Variants in PRH1 observed in about 807,000 individuals in gnomAD.
The protein encoded by PRH1 is proline rich protein HaeIII subfamily 1, also known as salivary acidic proline-rich phosphoprotein 1/2.
A neutral mutation model predicts 7.9 loss-of-function variants in PRH1; 7 were observed. The ratio of observed to expected loss-of-function variants is 0.89; its 90% CI spans 0.50 to 1.67. The LOEUF is 1.67. Among genes scored for constraint, PRH1 ranks in the 40% most tolerant of loss-of-function variants. The pLI, the probability that PRH1 is intolerant of heterozygous loss-of-function variation, is 0.00. For synonymous variants in PRH1, 45 were observed against 80.8 expected (o/e 0.56, Z 2.38); for missense variants, 109 against 223.6 (o/e 0.49, Z 3.27).
intron 1 of PRH1, among the ~76,000 whole-genome samples, chr12:11,032,947 T>G (rs1307550276): frequency 6.6e-6 from 1 of 152,244 alleles, no homozygotes; most frequent in South Asian, 2.1e-4. Flanking sequence ...GTATGGCCTA[T>G]CTAGTACACT....
intron 1 of PRH1, among the ~76,000 whole-genome samples, chr12:11,072,654 C>T (rs540307769): frequency 2.8e-4 from 43 of 152,306 alleles, no homozygotes; most frequent in South Asian, 8.3e-4. Flanking sequence ...AAATCAGATA[C>T]ATTATAAAAT....
intron 1 of PRH1, among the ~76,000 whole-genome samples, chr12:11,054,886 T>TCCGC (rs1203123056): frequency 5.1e-4 from 63 of 123,054 alleles, no homozygotes; most frequent in East Asian, 2.1e-3. Context: ...CACTGCAAGC[T>TCCGC]CTGCCTCACT....
intron 2 of PRH1, among the ~76,000 whole-genome samples, chr12:10,939,629 T>C (rs963606075): frequency 2.0e-5 from 3 of 149,468 alleles, no homozygotes; most frequent in African/African-American, 2.5e-5. Context: ...ATTACAAAAA[T>C]TGGTATATGA....
chr12:11,131,116 T>C (rs1006225305), intron 1 of PRH1, among the ~76,000 whole-genome samples: 7 of 152,210 alleles, frequency 4.6e-5, no homozygotes, highest in Non-Finnish European at 7.3e-5. Flanking sequence ...ACAGAGATGG[T>C]AGTTCTAACT....
chr12:11,122,917 C>T (rs879694421), intron 1 of PRH1, among the ~76,000 whole-genome samples: 1 of 152,180 alleles, frequency 6.6e-6, no homozygotes, highest in Admixed American at 6.5e-5. Flanking sequence ...CTAGGTTTAC[C>T]TCAATGCCAC....
At position 10,929,262 on chromosome 12, in the gene PRH1, GC is replaced by G. The variant is rs1950166971; in HGVS notation, c.-59+44392del. 2.5e-6 allele frequency: 4 copies of G among 1,614,174 alleles called. No homozygotes were observed. The East Asian group carries it at 6.7e-5, about 27-fold the overall frequency. ...GCATAAAGTTGGGAGTGACACCAGAGCCTTCTGCAAGATGCTTCTGATTCTG... is the reference window on the plus strand; with the variant it reads ...GCATAAAGTTGGGAGTGACACCAGAGCTTCTGCAAGATGCTTCTGATTCTG... On this transcript the variant is annotated intron_variant, in intron 2 of 3. Transcript: ENST00000539853.
chr12:10,948,012 G>C (rs1313373571), intron 2 of PRH1, among the ~76,000 whole-genome samples: 1 of 152,110 alleles, frequency 6.6e-6, no homozygotes, highest in Non-Finnish European at 1.5e-5. Flanking sequence ...TACCGTGATA[G>C]AAATCCCTTT....
At position 11,076,273 on chromosome 12, in the gene PRH1, A is replaced by G. The variant is rs1405526053; in HGVS notation, n.124-29085T>C. The stretch of plus-strand genomic sequence containing the variant: ...CACTTTGTGTCATTTCACCATTTAC[A>G]CCATTATAATAAAACATATCATTAA... On this transcript the variant is annotated intron_variant and non_coding_transcript_variant, in intron 1 of 4. Transcript: ENST00000541977. Among the ~76,000 whole-genome samples, 3 of 119,450 alleles carry G rather than the reference A, an allele frequency of 2.5e-5. No individual in the cohort carries two copies. The South Asian group carries it at 6.7e-4, about 27-fold the overall frequency. 78.4% of individuals were successfully genotyped at this position (119,450 alleles called of 152,430 possible).
At position 11,157,113 on chromosome 12, in the gene PRH1, T is replaced by A. The variant is rs554535889; in HGVS notation, n.39+14309A>T. On this transcript the variant is annotated intron_variant and non_coding_transcript_variant, in intron 1 of 1. Transcript: ENST00000541175. ...TGCCTGCCGCAGCCTCCCAAAGTGC[T>A]GGGATTACCCACACTTTGGTCAAGA... 3.9e-5 allele frequency among the ~76,000 whole-genome samples: 6 copies of A among 152,340 alleles called. No homozygotes were observed. The South Asian group carries it at 1.0e-3, about 26-fold the overall frequency.
At chr12:11,060,041 T>C (rs996291389) in intron 1 of PRH1, among the ~76,000 whole-genome samples, 14 of 152,052 alleles carry the variant, frequency 9.2e-5, no homozygotes, top group African/African-American at 2.9e-4. Flanking sequence ...AGTTCTTACA[T>C]TGTACTGAGG....
chr12:10,953,827 G>A (rs755687356), intron 2 of PRH1, among the ~76,000 whole-genome samples: 8 of 152,146 alleles, frequency 5.3e-5, no homozygotes, highest in African/African-American at 9.6e-5. Context: ...TCTCCAAGGC[G>A]AAAATGAAAG....
At chr12:10,965,806 A>T (rs1418275349) in intron 2 of PRH1, among the ~76,000 whole-genome samples, 2 of 152,242 alleles carry the variant, frequency 1.3e-5, no homozygotes, top group Admixed American at 6.5e-5. Context: ...CTAAATCTTA[A>T]AGGGAGATTA....
chr12:11,023,524 C>G (rs1230348383), intron 1 of PRH1, among the ~76,000 whole-genome samples: 1 of 145,760 alleles, frequency 6.9e-6, no homozygotes, highest in Admixed American at 6.8e-5. Context: ...TCCTGCAGTA[C>G]CCTCCCACCT....
chr12:11,102,181 GA>G (rs1424717551), intron 1 of PRH1, among the ~76,000 whole-genome samples: 1 of 151,960 alleles, frequency 6.6e-6, no homozygotes, highest in Non-Finnish European at 1.5e-5. Context: ...CACAGAATTG[GA>G]AAAAAACTAC....
chr12:11,039,025 C>G (rs188785634), intron 1 of PRH1, among the ~76,000 whole-genome samples: 2,061 of 151,954 alleles, frequency 0.014, no homozygotes, highest in South Asian at 0.027. Flanking sequence ...TAGTTAACAG[C>G]ATACTGTAAG....
intron 1 of PRH1, among the ~76,000 whole-genome samples, chr12:11,135,219 AGACT>A (rs1473640500): frequency 6.6e-6 from 1 of 152,176 alleles, no homozygotes; most frequent in African/African-American, 2.4e-5. Flanking sequence ...CATCACACGA[AGACT>A]GACTACCTTT....
intron 1 of PRH1, among the ~76,000 whole-genome samples, chr12:11,084,541 T>G (rs1337774914): frequency 6.7e-6 from 1 of 149,318 alleles, no homozygotes; most frequent in African/African-American, 2.5e-5. Context: ...CTGCTCTGAT[T>G]TACAATTCTA....
intron 1 of PRH1, among the ~76,000 whole-genome samples, chr12:11,152,990 G>A (rs553318959): frequency 1.9e-4 from 29 of 152,236 alleles, no homozygotes; most frequent in African/African-American, 6.7e-4. Flanking sequence ...TTAGATTTAA[G>A]GGTATTCATG....
rs143833452 is a variant in PRH1 at position 11,030,680 on chromosome 12, G to C, written c.-126+16340C>G. 5.0e-6 allele frequency: 8 copies of C among 1,614,146 alleles called. 2 individuals carry two copies. In the South Asian group the frequency reaches 8.8e-5, roughly 18 times the overall value. On this transcript the variant is annotated intron_variant, in intron 1 of 3. Coordinates refer to the PRH1 transcript ENST00000539853. Reference sequence around the variant, plus strand: ...AGCTTTTATGTGGACCTTGGTGCTGGGATCTTGAGATCCTTTACCATGGAG... The same window carrying C: ...AGCTTTTATGTGGACCTTGGTGCTGCGATCTTGAGATCCTTTACCATGGAG...
Sources: allele counts gnomAD v4.1 joint callset (sites outside exome capture counted in the v4.1 genomes callset), GRCh38; gene constraint gnomAD v4.1.1; transcripts MANE v1.5; gene names NCBI Gene and HGNC (gene_info 2026-07-23, HGNC 2026-07-21).